USF1: variants seen among roughly 807,000 people sequenced by gnomAD.
The protein encoded by USF1 is upstream stimulatory factor 1.
In USF1, 22 loss-of-function variants were observed where a neutral mutation model predicts 46.3. The ratio of observed to expected loss-of-function variants is 0.47; its 90% CI spans 0.34 to 0.68. The LOEUF is 0.68. USF1 is among the 30% of genes least tolerant of loss of function. USF1 has a pLI of 0.01. For missense variants in USF1, 287 were observed against 399.3 expected (o/e 0.72, Z 2.40); for synonymous variants, 150 against 147.0 (o/e 1.02, Z -0.15).
chr1:161,039,914 C>T lies in USF1; in HGVS notation c.*6G>A, dbSNP rs1243626594. 6.2e-7 allele frequency: 1 copy of T among 1,614,126 alleles called. No homozygotes were observed. The highest frequency in any genetic ancestry group is 1.7e-5 in the Admixed American group (1 of 60,022). On this transcript the variant is annotated 3_prime_UTR_variant, in exon 11 of 11. Transcript: ENST00000368021. ...TCTTGGGCCCAAAGCCCCTGAATCC[C>T]CATAGTTAGTTGCTGTCATTCTTGA...
Position 161,044,706 on chromosome 1 carries a change from G to T in USF1, c.-86+1152C>A, listed in dbSNP as rs536758563. 4.0e-4 allele frequency among the ~76,000 whole-genome samples: 61 copies of T among 152,044 alleles called. No homozygotes were observed. The South Asian group carries it at 5.6e-3, about 14-fold the overall frequency. On this transcript the variant is annotated intron_variant, in intron 1 of 10. Coordinates refer to ENST00000368021, the MANE Select transcript of USF1 (RefSeq NM_007122.5). ...GAAGGGGTAAAAAAAAAAAAAACAG[G>T]GTTCTGAAGAAGAGACAAAGGGGGA...
chr1:161,039,779 G>T lies in USF1; in HGVS notation c.*141C>A. 1 of 806,950 alleles carries T rather than the reference G, an allele frequency of 1.2e-6. No individual in the cohort carries two copies. Among genetic ancestry groups the T allele is most frequent in the Non-Finnish European group, 2.0e-6 (1 of 511,288 alleles). The allele number at this position is 806,950 out of a possible 1,614,324, so 50.0% of individuals were successfully genotyped here. Reference sequence around the variant, plus strand: ...CCACTGCAGGCCGCCATATCACAGGGCCTCAGTTCAAGGACACACCTTCTG... The same window carrying T: ...CCACTGCAGGCCGCCATATCACAGGTCCTCAGTTCAAGGACACACCTTCTG... On this transcript the variant is annotated 3_prime_UTR_variant, in exon 11 of 11. Coordinates refer to ENST00000368021, the MANE Select transcript of USF1 (RefSeq NM_007122.5).
rs760299631 is a variant in USF1, at chr1:161,043,305, TG to T, written c.-31del. The T allele has an allele frequency of 5.0e-6, 8 of 1,614,106 alleles. No individual in the cohort carries two copies. In the African/African-American group the frequency reaches 9.3e-5, roughly 19 times the overall value. ...CTGTGAGGGGGCACATCCGAGGAAC[TG>T]GTCCTTTTTTGGAGGTCTTTGTATC... On this transcript the variant is annotated 5_prime_UTR_variant, in exon 2 of 11. Coordinates refer to ENST00000368021, the MANE Select transcript of USF1 (RefSeq NM_007122.5).
Position 161,039,288 on chromosome 1 carries a change from AAAAAAAAAAAAAGAAAAG to A in USF1, c.*614_*631del, listed in dbSNP as rs1203710748. On this transcript the variant is annotated 3_prime_UTR_variant, in exon 11 of 11. Transcript: ENST00000368021. ...ATTTTATCTTAAAAAAAAAAAAAAAAAAAAAAAAAAAAGAAAAGAAAAAAAAAAAACGACCCCCACAAG... is the reference window on the plus strand; with the variant it reads ...ATTTTATCTTAAAAAAAAAAAAAAAAAAAAAAAAAAAACGACCCCCACAAG... 6.0e-6 allele frequency: 1 copy of A among 166,532 alleles called. No homozygotes were observed. Among genetic ancestry groups the A allele is most frequent in the East Asian group, 1.4e-4 (1 of 7,396 alleles). The allele number at this position is 166,532 out of a possible 1,614,324, so 10.3% of individuals were successfully genotyped here.
chr1:161,043,038 A>G lies in USF1; in HGVS notation c.9-156T>C, dbSNP rs183311451. On this transcript the variant is annotated intron_variant, in intron 2 of 10. Coordinates refer to ENST00000368021, the MANE Select transcript of USF1 (RefSeq NM_007122.5). ...AGTGTTTACTGTTTACTATGTACAT[A>G]AGCACTAAGCTAAGTACATTACATG... is the stretch of plus-strand genomic sequence containing the variant. 1.1e-4 allele frequency among the ~76,000 whole-genome samples: 16 copies of G among 152,356 alleles called. No individual in the cohort carries two copies. In the East Asian group the frequency reaches 2.5e-3, roughly 24 times the overall value.
At position 161,040,292 on chromosome 1, in the gene USF1, G is replaced by A; in HGVS notation, c.753C>T (p.Ile251=). ...GGILSKACDY[I]QELRQSNHRL... ...GGTGGTTACTCTGCCGAAGCTCCTGGATATAATCACAAGCTTTGGATAGAA... is the reference window on the plus strand; with the variant it reads ...GGTGGTTACTCTGCCGAAGCTCCTGAATATAATCACAAGCTTTGGATAGAA... Residue 251 remains isoleucine (I), a synonymous_variant, in exon 10 of 11, where the codon ATC becomes ATT. Transcript: ENST00000368021. The surrounding 1 kb of genome is among the most constrained non-coding windows in gnomAD (Gnocchi z 4.0). 6.2e-7 allele frequency: 1 copy of A among 1,614,148 alleles called. No homozygotes were observed. Among genetic ancestry groups the A allele is most frequent in the African/African-American group, 1.3e-5 (1 of 75,006 alleles).
At chr1:161,042,775 G>A (rs1428585378) in intron 3 of USF1, 58 bp downstream of exon 3, 2 of 1,612,594 alleles carry the variant, frequency 1.2e-6, no homozygotes, top group Non-Finnish European at 1.7e-6. Flanking sequence ...ATGGTCTGGT[G>A]GGGAAGGAAG....
rs779939805 is a variant in USF1 at position 161,043,281 on chromosome 1, T to G, written c.-6A>C. 10 of 1,614,084 alleles carry G rather than the reference T, an allele frequency of 6.2e-6. No individual in the cohort carries two copies. The highest frequency in any genetic ancestry group is 8.5e-6 in the Non-Finnish European group (10 of 1,180,036). ...TTCTTCACTCACCCCTTCATCTCTC[T>G]GTGAGGGGGCACATCCGAGGAACTG... On this transcript the variant is annotated 5_prime_UTR_variant, in exon 2 of 11. Coordinates refer to ENST00000368021, the MANE Select transcript of USF1 (RefSeq NM_007122.5).
At position 161,043,620 on chromosome 1, in the gene USF1, CTT is replaced by C. The variant is rs34611572; in HGVS notation, c.-85-262_-85-261del. 3.8e-3 allele frequency among the ~76,000 whole-genome samples: 456 copies of C among 119,556 alleles called. 3 individuals are homozygous for C. The highest frequency in any genetic ancestry group is 9.3e-3 in the Middle Eastern group (2 of 214). The allele number at this position is 119,556 out of a possible 152,430, so 78.4% of individuals were successfully genotyped here. ...ATTATACTGGAAGACAGAAACAACA[CTT>C]TTTTTTTTTTTTTTTTTTTGAGACA... On this transcript the variant is annotated intron_variant, in intron 1 of 10. Coordinates refer to ENST00000368021, the MANE Select transcript of USF1 (RefSeq NM_007122.5).
chr1:161,042,533 G>A (rs1650610814), intron 4 of USF1, 22 bp downstream of exon 4: 1 of 1,612,772 alleles, frequency 6.2e-7, no homozygotes, highest in African/African-American at 1.3e-5. Flanking sequence ...AACACCTGCA[G>A]CCACCTGGCC....
intron 5 of USF1, 45 bp from the exon 6 acceptor site, chr1:161,041,891 C>T: frequency 2.5e-6 from 4 of 1,571,770 alleles, no homozygotes; most frequent in South Asian, 1.1e-5. Context: ...CAGTCAAAAA[C>T]TTCTTCCCAC....
chr1:161,040,763 ACTG>A lies in USF1; in HGVS notation c.619+48_619+50del. ...CTAATCCCTCCTCCCCTCAGACATC[ACTG>A]CTGAGATCACACCAGACAGCTTCTA... On this transcript the variant is annotated intron_variant, in intron 8 of 10. Transcript: ENST00000368021. The surrounding 1 kb of genome is among the most constrained non-coding windows in gnomAD (Gnocchi z 4.0). 1.2e-6 allele frequency: 2 copies of A among 1,613,448 alleles called. No homozygotes were observed. The highest frequency in any genetic ancestry group is 1.7e-6 in the Non-Finnish European group (2 of 1,179,768).
At position 161,040,210 on chromosome 1, in the gene USF1, G is replaced by A. The variant is rs1190588002; in HGVS notation, c.835C>T (p.Arg279Ter). The change falls in exon 10 of 11, where the codon CGA becomes TGA. Residue 279 changes from arginine to a stop codon, truncating the protein, a stop_gained. Transcript: ENST00000368021. LOFTEE classifies it high-confidence loss of function. This position sits in a 1 kb window ranked among gnomAD's most constrained non-coding sequence, Gnocchi z 4.0. ...GGGGGTAGGAGTCTGACCTGTTGTC[G>A]AAGCACGTCATTGTCCAGCTGCAGT... ...DQLQLDNDVL[R>*]QQVEDLKNKN... is the part of the protein sequence containing the mutation. 3 of 1,614,100 alleles carry A rather than the reference G, an allele frequency of 1.9e-6. No individual in the cohort carries two copies. The highest frequency in any genetic ancestry group is 2.5e-6 in the Non-Finnish European group (3 of 1,180,032).
chr1:161,041,878 T>C (rs1240123061), intron 5 of USF1, 32 bp from the exon 6 acceptor site: 1 of 1,596,422 alleles, frequency 6.3e-7, no homozygotes, highest in African/African-American at 1.3e-5. Flanking sequence ...CTGATTCTGG[T>C]AACAGTCAAA....
At chr1:161,042,346 C>T in intron 4 of USF1, 129 bp from the exon 5 acceptor site, 1 of 1,083,126 alleles carries the variant, frequency 9.2e-7, no homozygotes, top group Non-Finnish European at 1.3e-6. Context: ...GACATGGATT[C>T]AGCCATTCTC....
At chr1:161,043,014 G>A in intron 2 of USF1, 132 bp from the exon 3 acceptor site, 7 of 1,328,426 alleles carry the variant, frequency 5.3e-6, no homozygotes, top group East Asian at 4.6e-5. Flanking sequence ...ATAACAACTA[G>A]TGTTTACTGT....
Position 161,039,913 on chromosome 1 carries a change from C to T in USF1, c.*7G>A. 6.2e-7 allele frequency: 1 copy of T among 1,614,084 alleles called. No homozygotes were observed. The highest frequency in any genetic ancestry group is 8.5e-7 in the Non-Finnish European group (1 of 1,179,996). On this transcript the variant is annotated 3_prime_UTR_variant, in exon 11 of 11. Transcript: ENST00000368021. ...TTCTTGGGCCCAAAGCCCCTGAATC[C>T]CCATAGTTAGTTGCTGTCATTCTTG...
Position 161,040,302 on chromosome 1 carries a change from C to T in USF1, c.743G>A (p.Cys248Tyr), listed in dbSNP as rs1650487261. The T allele has an allele frequency of 5.6e-6, 9 of 1,614,182 alleles. No homozygotes were observed. Among genetic ancestry groups the T allele is most frequent in the Non-Finnish European group, 6.8e-6 (8 of 1,180,032 alleles). ...QSKGGILSKA[C>Y]DYIQELRQSN... ...CTGCCGAAGCTCCTGGATATAATCA[C>T]AAGCTTTGGATAGAATCCCACCTTT... Residue 248 changes from cysteine (C) to tyrosine (Y), a missense_variant, in exon 10 of 11, where the codon TGT becomes TAT. Transcript: ENST00000368021. The surrounding 1 kb of genome is among the most constrained non-coding windows in gnomAD (Gnocchi z 4.0).
At chr1:161,043,405 A>G in intron 1 of USF1, 45 bp from the exon 2 acceptor site, 1 of 1,449,164 alleles carries the variant, frequency 6.9e-7, no homozygotes, top group Admixed American at 1.9e-5. Flanking sequence ...GAAACAGAAC[A>G]GTATCTCTGG....
Sources: gnomAD v4.1 joint callset for allele counts (sites outside exome capture counted in the v4.1 genomes callset) on GRCh38, gnomAD v4.1.1 for gene constraint, Gnocchi (gnomAD v3.1) non-coding constraint, MANE v1.5 for transcripts, NCBI Gene and HGNC (gene_info 2026-07-23, HGNC 2026-07-21) for gene names.